The following ARHGAP44 variants were observed in gnomAD, a reference collection of about 807,000 sequenced individuals.
ARHGAP44 encodes the protein Rho GTPase activating protein 44, also known as rho GTPase-activating protein 44.
Under a neutral mutation model 106.8 loss-of-function variants are expected in ARHGAP44, and 43 were observed. The ratio of observed to expected loss-of-function variants is 0.40; its 90% CI spans 0.32 to 0.52. The LOEUF (loss-of-function observed/expected upper bound fraction) is 0.52. Ranked by LOEUF, ARHGAP44 falls within the 20% of genes least tolerant of loss-of-function variation. The probability of loss-of-function intolerance (pLI) is 0.48; values close to 1 mark genes in which losing one functional copy is unlikely to be tolerated. For missense variants in ARHGAP44, 866 were observed against 1,050.5 expected (o/e 0.82, Z 2.43); for synonymous variants, 439 against 410.3 (o/e 1.07, Z -0.85).
At chr17:12,848,072 T>C (rs1463915230) in intron 1 of ARHGAP44, among the ~76,000 whole-genome samples, 2 of 152,234 alleles carry the variant, frequency 1.3e-5, no homozygotes, top group Non-Finnish European at 2.9e-5. Context: ...TCTATAGATA[T>C]AGATAGCATT....
intron 6 of ARHGAP44, among the ~76,000 whole-genome samples, chr17:12,925,775 A>G (rs1598064732): frequency 1.3e-5 from 2 of 152,218 alleles, no homozygotes; most frequent in Admixed American, 6.5e-5. Context: ...GACAATGTCT[A>G]GTGTTCCTGT....
intron 1 of ARHGAP44, among the ~76,000 whole-genome samples, chr17:12,828,558 T>C (rs1049745592): frequency 2.6e-5 from 4 of 151,774 alleles, no homozygotes; most frequent in African/African-American, 7.2e-5. Context: ...GGATATGTAC[T>C]ACTTAATTAT....
intron 1 of ARHGAP44, among the ~76,000 whole-genome samples, chr17:12,852,740 A>C (rs2035792026): frequency 6.6e-6 from 1 of 151,914 alleles, no homozygotes; most frequent in African/African-American, 2.4e-5. Flanking sequence ...ACGGGGTTTC[A>C]CCATGTTAGC....
At chr17:12,959,684 C>T (rs539788556) in intron 16 of ARHGAP44, among the ~76,000 whole-genome samples, 2 of 152,338 alleles carry the variant, frequency 1.3e-5, no homozygotes, top group Admixed American at 1.3e-4. Flanking sequence ...ACGAATACCT[C>T]TTACAGGAGG....
intron 16 of ARHGAP44, among the ~76,000 whole-genome samples, chr17:12,970,557 A>C (rs569048201): frequency 6.6e-6 from 1 of 152,266 alleles, no homozygotes; most frequent in African/African-American, 2.4e-5. Context: ...TGATTCAACT[A>C]TAAAGGGATC....
At chr17:12,932,998 A>G (rs1037262831) in intron 7 of ARHGAP44, among the ~76,000 whole-genome samples, 1 of 152,154 alleles carries the variant, frequency 6.6e-6, no homozygotes, top group Non-Finnish European at 1.5e-5. Context: ...GATCATATCC[A>G]GTTCATGAAA....
chr17:12,846,579 A>G (rs1035471875), intron 1 of ARHGAP44, among the ~76,000 whole-genome samples: 1 of 152,270 alleles, frequency 6.6e-6, no homozygotes, highest in African/African-American at 2.4e-5. Flanking sequence ...AAAACATTTT[A>G]TACTGAATAC....
At chr17:12,899,120 G>A (rs1015376823) in intron 3 of ARHGAP44, among the ~76,000 whole-genome samples, 5 of 152,180 alleles carry the variant, frequency 3.3e-5, no homozygotes, top group African/African-American at 1.2e-4. Flanking sequence ...ACAGGTGTGC[G>A]CCACCATGCC....
intron 1 of ARHGAP44, among the ~76,000 whole-genome samples, chr17:12,827,263 T>A (rs866916633): frequency 6.6e-6 from 1 of 152,238 alleles, no homozygotes; most frequent in African/African-American, 2.4e-5. Flanking sequence ...ACTCTAGATC[T>A]CATTTTATTT....
Position 12,952,501 on chromosome 17 carries a change from T to C in ARHGAP44, c.1056T>C (p.Asn352=). The change falls in exon 13 of 21, where the codon AAT becomes AAC. Residue 352 remains asparagine (N), a splice_region_variant and synonymous_variant. Coordinates refer to ENST00000379672, the MANE Select transcript of ARHGAP44 (RefSeq NM_014859.6). ...ELYDEWIQAS[N]VQEQDKKLQA... is the part of the protein sequence containing the mutation. Reference sequence around the variant, plus strand: ...ATGACCTTTCCTATCAATTTCTCAGTGTCCAGGAGCAAGACAAGAAGCTTC... The same window carrying C: ...ATGACCTTTCCTATCAATTTCTCAGCGTCCAGGAGCAAGACAAGAAGCTTC... The C allele has an allele frequency of 6.4e-7, 1 of 1,572,846 alleles. No homozygotes were observed. Among genetic ancestry groups the C allele is most frequent in the Non-Finnish European group, 8.6e-7 (1 of 1,158,308 alleles).
intron 1 of ARHGAP44, among the ~76,000 whole-genome samples, chr17:12,827,378 GGAT>G (rs1246199265): frequency 2.0e-5 from 3 of 151,984 alleles, no homozygotes; most frequent in Admixed American, 6.6e-5. Flanking sequence ...ATCATTATAA[GGAT>G]GATAAGAAAA....
At chr17:12,972,664 TA>T (rs775287436) in intron 16 of ARHGAP44, among the ~76,000 whole-genome samples, 48 of 43,974 alleles carry the variant, frequency 1.1e-3, no homozygotes, top group Non-Finnish European at 1.4e-3. Flanking sequence ...AATAAATAAA[TA>T]TTTTTTTTTT....
At chr17:12,851,007 C>G (rs1379793786) in intron 1 of ARHGAP44, among the ~76,000 whole-genome samples, 1 of 152,194 alleles carries the variant, frequency 6.6e-6, no homozygotes, top group African/African-American at 2.4e-5. Flanking sequence ...TTCTGCTGTC[C>G]TCATTGGTAA....
chr17:12,842,585 T>C (rs1295944392), intron 1 of ARHGAP44, among the ~76,000 whole-genome samples: 1 of 152,132 alleles, frequency 6.6e-6, no homozygotes, highest in Admixed American at 6.5e-5. Context: ...TGTGATTCAG[T>C]AGGTCTGGAG....
intron 4 of ARHGAP44, among the ~76,000 whole-genome samples, chr17:12,911,618 G>A (rs1363925296): frequency 6.6e-6 from 1 of 152,168 alleles, no homozygotes; most frequent in Non-Finnish European, 1.5e-5. Context: ...GTTACCACTT[G>A]GATCACTAAA....
rs186182451 is a variant in ARHGAP44 at position 12,908,497 on chromosome 17, G to T, written c.199-400G>T. ...TGGGATTACAGGTGTGAGCCACCAC[G>T]CCCAGCCACTGCCTCATTTTTAAAA... On this transcript the variant is annotated intron_variant, in intron 3 of 20. Transcript: ENST00000379672. 6.8e-3 allele frequency among the ~76,000 whole-genome samples: 1,034 copies of T among 152,158 alleles called. 15 individuals are homozygous for T. The highest frequency in any genetic ancestry group is 0.024 in the African/African-American group (988 of 41,506).
chr17:12,959,636 G>A (rs988874283), intron 16 of ARHGAP44, among the ~76,000 whole-genome samples: 3 of 152,234 alleles, frequency 2.0e-5, no homozygotes, highest in Non-Finnish European at 2.9e-5. Flanking sequence ...ACCAGAGGAC[G>A]TGGACTAATG....
intron 10 of ARHGAP44, among the ~76,000 whole-genome samples, chr17:12,947,494 C>T (rs1053254050): frequency 2.0e-5 from 3 of 152,160 alleles, no homozygotes; most frequent in African/African-American, 4.8e-5. Flanking sequence ...TGCTCCTCAA[C>T]CTCAGTGAGG....
intron 10 of ARHGAP44, among the ~76,000 whole-genome samples, chr17:12,948,085 A>G (rs1327296988): frequency 6.6e-6 from 1 of 152,222 alleles, no homozygotes; most frequent in Non-Finnish European, 1.5e-5. Flanking sequence ...GCAAGGAACT[A>G]AGATGAAACA....
Sources: allele counts gnomAD v4.1 joint callset (sites outside exome capture counted in the v4.1 genomes callset), GRCh38; gene constraint gnomAD v4.1.1; transcripts MANE v1.5; gene names NCBI Gene and HGNC (gene_info 2026-07-23, HGNC 2026-07-21).